PDE4D: variants seen among roughly 807,000 people sequenced by gnomAD.
The protein encoded by PDE4D is 3',5'-cyclic-AMP phosphodiesterase 4D.
In PDE4D, 24 loss-of-function variants were observed where a neutral mutation model predicts 87.4. That is an observed-to-expected ratio of 0.27 (90% confidence interval 0.20 to 0.39). The LOEUF is 0.39. PDE4D is among the 10% of genes least tolerant of loss of function. The pLI is 1.00. For synonymous variants in PDE4D, 384 were observed against 383.2 expected, an observed-to-expected ratio of 1.00 and a Z score of -0.02; for missense variants, 714 against 1,041.0, an observed-to-expected ratio of 0.69 and a Z score of 4.32.
chr5:60,207,178 G>A (rs146144639), intron 1 of PDE4D, among the ~76,000 whole-genome samples: 3 of 152,288 alleles, frequency 2.0e-5, no homozygotes, highest in East Asian at 1.9e-4. Context: ...GGTGCCTAAC[G>A]CAGGAGGGGT....
chr5:59,847,724 T>G (rs1027013803), intron 1 of PDE4D, among the ~76,000 whole-genome samples: 2 of 152,084 alleles, frequency 1.3e-5, no homozygotes, highest in Non-Finnish European at 2.9e-5. Context: ...CTCTATAATC[T>G]GAGCCCAGTA....
intron 1 of PDE4D, among the ~76,000 whole-genome samples, chr5:60,200,114 C>T (rs78874668): frequency 3.0e-4 from 45 of 151,670 alleles, no homozygotes; most frequent in East Asian, 2.7e-3. Flanking sequence ...TAATTACAAA[C>T]GCTTATGGGG....
intron 2 of PDE4D, among the ~76,000 whole-genome samples, chr5:59,991,343 T>C (rs976262887): frequency 6.6e-6 from 1 of 152,128 alleles, no homozygotes; most frequent in South Asian, 2.1e-4. Flanking sequence ...CCAGCAGATC[T>C]GGAATAGGAC....
intron 1 of PDE4D, among the ~76,000 whole-genome samples, chr5:59,865,000 A>G (rs546402335): frequency 7.9e-5 from 12 of 152,288 alleles, no homozygotes; most frequent in Middle Eastern, 3.4e-3. Context: ...TTCCCACACC[A>G]GGTCACCTAA....
intron 5 of PDE4D, among the ~76,000 whole-genome samples, chr5:59,069,274 G>A (rs894677691): frequency 6.6e-6 from 1 of 152,074 alleles, no homozygotes; most frequent in African/African-American, 2.4e-5. Flanking sequence ...AAGAGACTTG[G>A]TTCATTAAGA....
At chr5:59,083,940 C>A (rs1037221574) in intron 5 of PDE4D, among the ~76,000 whole-genome samples, 1 of 151,992 alleles carries the variant, frequency 6.6e-6, no homozygotes, top group African/African-American at 2.4e-5. Flanking sequence ...TACTTATAAA[C>A]TGCTTATAAG....
chr5:60,246,386 A>G (rs1747782145), intron 1 of PDE4D, among the ~76,000 whole-genome samples: 1 of 151,746 alleles, frequency 6.6e-6, no homozygotes, highest in East Asian at 1.9e-4. Context: ...CTCTTCCCAA[A>G]TCTTCCTGTG....
intron 1 of PDE4D, among the ~76,000 whole-genome samples, chr5:59,413,457 C>CAAAA (rs34074485): frequency 3.3e-3 from 181 of 54,268 alleles, no homozygotes; most frequent in Middle Eastern, 0.012. Context: ...GACTCCATCT[C>CAAAA]AAAAAAAAAA....
intron 1 of PDE4D, among the ~76,000 whole-genome samples, chr5:60,289,547 G>A (rs1165427074): frequency 6.6e-6 from 1 of 152,144 alleles, no homozygotes; most frequent in Non-Finnish European, 1.5e-5. Flanking sequence ...CCCTGTAGAG[G>A]AGACTTCCCT....
intron 1 of PDE4D, among the ~76,000 whole-genome samples, chr5:59,709,506 A>G (rs764551645): frequency 6.6e-6 from 1 of 152,214 alleles, no homozygotes; most frequent in Non-Finnish European, 1.5e-5. Flanking sequence ...GATAGCCAGA[A>G]ACACAGCAGG....
intron 1 of PDE4D, among the ~76,000 whole-genome samples, chr5:59,699,577 G>A (rs886283084): frequency 6.6e-6 from 1 of 152,116 alleles, no homozygotes; most frequent in African/African-American, 2.4e-5. Context: ...GAGTGTCCAA[G>A]AAGTGGTAGC....
At chr5:58,999,856 G>A in intron 6 of PDE4D, 1 of 987,808 alleles carries the variant, frequency 1.0e-6, no homozygotes, top group Non-Finnish European at 1.2e-6. Context: ...GAGCTCCAGG[G>A]CTTAATGAAT....
intron 1 of PDE4D, among the ~76,000 whole-genome samples, chr5:59,383,936 G>C (rs1786425647): frequency 6.6e-6 from 1 of 152,126 alleles, no homozygotes; most frequent in African/African-American, 2.4e-5. Context: ...CACCCAAACT[G>C]AAGAGCGAGT....
At chr5:58,978,216 A>AGTGAG (rs1744267628) in intron 11 of PDE4D, among the ~76,000 whole-genome samples, 3 of 108,740 alleles carry the variant, frequency 2.8e-5, no homozygotes, top group Non-Finnish European at 2.1e-5. Flanking sequence ...GGAGTTCAAG[A>AGTGAG]CCAGCCTGGT....
chr5:59,146,458 G>A (rs1440728055), intron 5 of PDE4D, among the ~76,000 whole-genome samples: 1 of 152,030 alleles, frequency 6.6e-6, no homozygotes, highest in Admixed American at 6.5e-5. Context: ...TTCTAGGGTG[G>A]TACTACAGGC....
chr5:60,394,247 T>G (rs1762737830), intron 1 of PDE4D, among the ~76,000 whole-genome samples: 1 of 152,180 alleles, frequency 6.6e-6, no homozygotes, highest in African/African-American at 2.4e-5. Flanking sequence ...AAATGCTAAT[T>G]TTTCCTACAC....
intron 1 of PDE4D, among the ~76,000 whole-genome samples, chr5:59,861,829 T>C (rs766350420): frequency 1.3e-5 from 2 of 152,218 alleles, no homozygotes; most frequent in Non-Finnish European, 2.9e-5. Flanking sequence ...AAATCTGCGT[T>C]TATAAAAATT....
chr5:59,391,034 T>C (rs1788134366), intron 1 of PDE4D, among the ~76,000 whole-genome samples: 3 of 152,162 alleles, frequency 2.0e-5, no homozygotes, highest in African/African-American at 4.8e-5. Context: ...TCCCTAAATG[T>C]TGTACTAAAT....
intron 1 of PDE4D, among the ~76,000 whole-genome samples, chr5:59,448,503 T>C (rs1369450915): frequency 6.6e-6 from 1 of 152,204 alleles, no homozygotes; most frequent in Non-Finnish European, 1.5e-5. Flanking sequence ...CACTAAAGTT[T>C]GCAACAGAAA....
Sources: gnomAD v4.1 joint callset for allele counts (sites outside exome capture counted in the v4.1 genomes callset) on GRCh38, gnomAD v4.1.1 for gene constraint, MANE v1.5 for transcripts, NCBI Gene and HGNC (gene_info 2026-07-23, HGNC 2026-07-21) for gene names.